The following DTWD2 variants were observed in gnomAD, a reference collection of about 807,000 sequenced individuals.
The protein encoded by DTWD2 is DTW motif tRNA-uridine aminocarboxypropyltransferase 2, also known as tRNA-uridine aminocarboxypropyltransferase 2.
A neutral mutation model predicts 31.8 loss-of-function variants in DTWD2; 39 were observed. That is an observed-to-expected ratio of 1.22 (90% CI 0.95 to 1.60). The LOEUF (loss-of-function observed/expected upper bound fraction) is 1.60, where lower values mean the gene tolerates loss of function less well. DTWD2 is among the 40% of genes most tolerant of loss of function. The probability of loss-of-function intolerance (pLI) is 0.00; values close to 1 mark genes in which losing one functional copy is unlikely to be tolerated. For missense variants in DTWD2, 515 were observed against 381.5 expected, an observed-to-expected ratio of 1.35 and a Z score of -2.92; for synonymous variants, 180 against 142.8, an observed-to-expected ratio of 1.26 and a Z score of -1.86.
chr5:118,872,207 A>C (rs1752521356), intron 4 of DTWD2, among the ~76,000 whole-genome samples: 2 of 152,058 alleles, frequency 1.3e-5, no homozygotes, highest in Non-Finnish European at 2.9e-5. Flanking sequence ...TATCCAGACC[A>C]CTCAAATTTT....
At chr5:118,930,225 C>T (rs557142697) in intron 3 of DTWD2, among the ~76,000 whole-genome samples, 2 of 152,160 alleles carry the variant, frequency 1.3e-5, no homozygotes, top group East Asian at 1.9e-4. Flanking sequence ...CATCCAGTTC[C>T]GTTATAGAGT....
chr5:118,962,772 G>C (rs911185755), intron 1 of DTWD2, among the ~76,000 whole-genome samples: 2 of 152,176 alleles, frequency 1.3e-5, no homozygotes, highest in Admixed American at 1.3e-4. Context: ...GTCAGCAGGA[G>C]GTAGTATTTT....
At chr5:118,942,070 T>C (rs1754216478) in intron 2 of DTWD2, among the ~76,000 whole-genome samples, 1 of 152,260 alleles carries the variant, frequency 6.6e-6, no homozygotes, top group African/African-American at 2.4e-5. Context: ...TTGTAGATTC[T>C]GGATATTAGC....
chr5:118,880,484 T>C (rs1752717198), intron 4 of DTWD2, among the ~76,000 whole-genome samples: 2 of 152,218 alleles, frequency 1.3e-5, no homozygotes, highest in Non-Finnish European at 2.9e-5. Flanking sequence ...TTATTATATT[T>C]ACTTATTTCC....
intron 4 of DTWD2, among the ~76,000 whole-genome samples, chr5:118,915,415 C>T (rs1447516264): frequency 1.3e-5 from 2 of 150,714 alleles, no homozygotes; most frequent in Non-Finnish European, 3.0e-5. Flanking sequence ...CGCTCTGTCG[C>T]CCAGGCTGGA....
At chr5:118,922,960 A>G (rs1240430647) in intron 4 of DTWD2, among the ~76,000 whole-genome samples, 1 of 152,212 alleles carries the variant, frequency 6.6e-6, no homozygotes, top group East Asian at 1.9e-4. Context: ...GAACTCCTCA[A>G]AAGTTTTTAT....
chr5:118,939,053 T>A, intron 3 of DTWD2, 143 bp downstream of exon 3: 3 of 541,960 alleles, frequency 5.5e-6, no homozygotes, highest in Non-Finnish European at 9.0e-6. Flanking sequence ...TTTTGTGTGG[T>A]CAGGGGTTAG....
intron 4 of DTWD2, among the ~76,000 whole-genome samples, chr5:118,873,509 T>C (rs908653523): frequency 6.6e-6 from 1 of 152,180 alleles, no homozygotes; most frequent in Non-Finnish European, 1.5e-5. Context: ...ATGCGGCTTC[T>C]TCATACTGCA....
At chr5:118,877,543 T>A (rs1338234243) in intron 4 of DTWD2, among the ~76,000 whole-genome samples, 1 of 151,624 alleles carries the variant, frequency 6.6e-6, no homozygotes, top group African/African-American at 2.4e-5. Context: ...TACCTCAAAA[T>A]AATAAGAGCC....
At chr5:118,937,877 A>G (rs1394003635) in intron 3 of DTWD2, among the ~76,000 whole-genome samples, 2 of 151,924 alleles carry the variant, frequency 1.3e-5, no homozygotes, top group African/African-American at 4.8e-5. Flanking sequence ...TTTTGGCTTC[A>G]CTTCCTCATT....
intron 1 of DTWD2, among the ~76,000 whole-genome samples, chr5:118,953,444 G>C (rs1754511021): frequency 6.6e-6 from 1 of 152,158 alleles, no homozygotes; most frequent in African/African-American, 2.4e-5. Context: ...CCTTCCCCCT[G>C]CATGAAAATT....
chr5:118,973,639 G>GGCAGCCTCCTTGCTCGCA (rs1491569949), intron 1 of DTWD2, among the ~76,000 whole-genome samples: 52 of 148,980 alleles, frequency 3.5e-4, no homozygotes, highest in African/African-American at 1.3e-3. Flanking sequence ...CCTTGCTCGC[G>GGCAGCCTCCTTGCTCGCA]GCAGCCTCCT....
rs1445490359 is a variant in DTWD2 at position 118,841,074 on chromosome 5, G to C, written c.740C>G (p.Pro247Arg). The change falls in exon 6 of 6, where the codon CCT becomes CGT. Residue 247 changes from proline (P) to arginine (R), a missense_variant. Pro to Arg is a moderately radical substitution (Grantham distance 103). Coordinates refer to ENST00000510708, the MANE Select transcript of DTWD2 (RefSeq NM_173666.4). ...NNYIQETLLR[P>R]LQALCSFQLQ... is the part of the protein sequence containing the mutation. ...TTGAAAGGAGCATAAAGCTTGAAGA[G>C]GGCGAAGCAAAGTCTGTCAAGAGAA... The C allele has an allele frequency of 6.2e-7, 1 of 1,611,488 alleles. No homozygotes were observed. The highest frequency in any genetic ancestry group is 8.5e-7 in the Non-Finnish European group (1 of 1,178,566).
In DTWD2 at chr5:118,859,588, C is replaced by T. The variant is rs770917000; in HGVS notation, c.598-11370G>A. Among the ~76,000 whole-genome samples, 3 of 152,114 alleles carry T rather than the reference C, an allele frequency of 2.0e-5. No homozygotes were observed. The East Asian group carries it at 5.8e-4, about 29-fold the overall frequency. ...TTTGATGTCTTCTTTGCCCCAGCAC[C>T]AATAATTAGGTTCATTTGTTTCCTT... is the stretch of plus-strand genomic sequence containing the variant. On this transcript the variant is annotated intron_variant, in intron 4 of 5. Transcript: ENST00000510708.
chr5:118,974,317 G>A (rs1314739850), intron 1 of DTWD2, among the ~76,000 whole-genome samples: 1 of 151,934 alleles, frequency 6.6e-6, no homozygotes, highest in Admixed American at 6.6e-5. Flanking sequence ...TGCAACAGGG[G>A]AGGAAAAAAG....
At chr5:118,948,482 A>AAAAAAC (rs1561467232) in intron 1 of DTWD2, among the ~76,000 whole-genome samples, 1 of 152,150 alleles carries the variant, frequency 6.6e-6, no homozygotes, top group African/African-American at 2.4e-5. Context: ...CTCCATCTCA[A>AAAAAAC]AAAAACAAAA....
intron 4 of DTWD2, among the ~76,000 whole-genome samples, chr5:118,914,439 T>C (rs1753530060): frequency 6.6e-6 from 1 of 152,190 alleles, no homozygotes; most frequent in Admixed American, 6.5e-5. Context: ...GGTATTCTGT[T>C]ACAACAGCAC....
intron 4 of DTWD2, among the ~76,000 whole-genome samples, chr5:118,861,901 T>C (rs546524664): frequency 6.6e-6 from 1 of 152,190 alleles, no homozygotes; most frequent in East Asian, 1.9e-4. Flanking sequence ...AGAGCCAAAA[T>C]CACAGGGATA....
At chr5:118,875,096 AT>A (rs1167106744) in intron 4 of DTWD2, among the ~76,000 whole-genome samples, 4 of 152,276 alleles carry the variant, frequency 2.6e-5, no homozygotes, top group African/African-American at 9.6e-5. Context: ...CCAGAATTTC[AT>A]AACTACCAAA....
Sources: gnomAD v4.1 joint callset for allele counts (sites outside exome capture counted in the v4.1 genomes callset) on GRCh38, gnomAD v4.1.1 for gene constraint, MANE v1.5 for transcripts, NCBI Gene and HGNC (gene_info 2026-07-23, HGNC 2026-07-21) for gene names.